Variants in GSE1 observed in about 807,000 individuals in gnomAD.
The protein encoded by GSE1 is genetic suppressor element 1.
GSE1 carries 32 observed loss-of-function variants against 112.6 expected under a neutral mutation model. The observed-to-expected ratio is 0.28, with a 90% CI of 0.21 to 0.38. The LOEUF (loss-of-function observed/expected upper bound fraction) is 0.38, where lower values mean the gene tolerates loss of function less well. GSE1 is among the 10% of genes least tolerant of loss of function. GSE1 has a pLI of 1.00. For synonymous variants in GSE1, 1,115 were observed against 735.6 expected (o/e 1.52, Z -8.35); for missense variants, 2,348 against 1,699.2 (o/e 1.38, Z -6.71).
chr16:85,615,049 G>A (rs561872815), intron 1 of GSE1, among the ~76,000 whole-genome samples: 1 of 152,238 alleles, frequency 6.6e-6, no homozygotes, highest in Non-Finnish European at 1.5e-5. Context: ...CTCCCGGCAG[G>A]GGTGGAAGGG....
At chr16:85,224,895 C>T (rs934975072) in intron 1 of GSE1, among the ~76,000 whole-genome samples, 17 of 150,038 alleles carry the variant, frequency 1.1e-4, no homozygotes, top group East Asian at 3.9e-4. Context: ...TTTGGGAGGC[C>T]GAGATGGGCA....
intron 5 of GSE1, among the ~76,000 whole-genome samples, 161 bp downstream of exon 5, chr16:85,655,152 C>T (rs2051810218): frequency 1.3e-5 from 2 of 152,206 alleles, no homozygotes; most frequent in Admixed American, 1.3e-4. Flanking sequence ...CTAAATTCAG[C>T]CCTGATGGCC....
chr16:85,420,088 T>C (rs1442783351), intron 2 of GSE1, among the ~76,000 whole-genome samples: 5 of 143,948 alleles, frequency 3.5e-5, no homozygotes, highest in Non-Finnish European at 6.1e-5. Context: ...TGGCAGACAC[T>C]GAGCAGTGTG....
At chr16:85,331,323 C>CTGTGTGTG (rs71151278) in intron 1 of GSE1, among the ~76,000 whole-genome samples, 8 of 84,516 alleles carry the variant, frequency 9.5e-5, no homozygotes, top group African/African-American at 3.5e-4. Flanking sequence ...CAGCTAATTT[C>CTGTGTGTG]TGTGTGTGTG....
At chr16:85,525,453 G>A (rs1226277144) in intron 2 of GSE1, among the ~76,000 whole-genome samples, 1 of 152,232 alleles carries the variant, frequency 6.6e-6, no homozygotes, top group African/African-American at 2.4e-5. Context: ...AGGTGGCCAG[G>A]CTGGCCCTAG....
chr16:85,248,470 C>T (rs1474120797), intron 1 of GSE1, among the ~76,000 whole-genome samples: 5 of 151,884 alleles, frequency 3.3e-5, no homozygotes, highest in Non-Finnish European at 7.4e-5. Flanking sequence ...CCTCCTTTTT[C>T]CCTCCGTCTT....
At position 85,299,626 on chromosome 16, in the gene GSE1, A is replaced by T. The variant is rs971718837; in HGVS notation, c.2284-57837A>T. Among the ~76,000 whole-genome samples, 3 of 152,212 alleles carry T rather than the reference A, an allele frequency of 2.0e-5. No individual in the cohort carries two copies. The East Asian group carries it at 5.8e-4, about 29-fold the overall frequency. On this transcript the variant is annotated intron_variant, in intron 1 of 2. Coordinates refer to the GSE1 transcript ENST00000637419. ...AGAAATTAAGCAGTTTTAACTGCAG[A>T]CTTAAAAATTGCATTCTTTGGCCAG...
chr16:85,637,123 A>G (rs1458102864), intron 2 of GSE1, among the ~76,000 whole-genome samples: 1 of 152,226 alleles, frequency 6.6e-6, no homozygotes, highest in African/African-American at 2.4e-5. Context: ...ATCTAATTCT[A>G]GAACATTTGG....
chr16:85,359,434 G>T, intron 2 of GSE1: 1 of 456,002 alleles, frequency 2.2e-6, no homozygotes, highest in South Asian at 1.5e-5. Flanking sequence ...TGTGGTTTGG[G>T]GAGCAGGCCC....
chr16:85,662,926 C>T, intron 9 of GSE1, 55 bp from the exon 10 acceptor site: 1 of 1,247,826 alleles, frequency 8.0e-7, no homozygotes, highest in South Asian at 1.2e-5. Flanking sequence ...GCGGGCATGT[C>T]CACTGGACAG....
intron 1 of GSE1, among the ~76,000 whole-genome samples, chr16:85,205,850 ATTCATTCATCTGGTGC>A (rs2075105576): frequency 6.6e-6 from 1 of 152,168 alleles, no homozygotes; most frequent in Admixed American, 6.5e-5. Context: ...TGCCTGACTC[ATTCATTCATCTGGTGC>A]TTCATTCATT....
chr16:85,327,715 G>C (rs1432657116), intron 1 of GSE1, among the ~76,000 whole-genome samples: 1 of 152,216 alleles, frequency 6.6e-6, no homozygotes, highest in Non-Finnish European at 1.5e-5. Context: ...CATTGTGTTT[G>C]TTCCATCTTT....
chr16:85,573,632 G>C (rs1009578085), intron 1 of GSE1, among the ~76,000 whole-genome samples: 2 of 152,226 alleles, frequency 1.3e-5, no homozygotes. Flanking sequence ...TATTTTATTT[G>C]GAAACTTGAA....
intron 2 of GSE1, among the ~76,000 whole-genome samples, chr16:85,647,603 T>G (rs535119111): frequency 4.1e-4 from 62 of 152,250 alleles, no homozygotes; most frequent in Non-Finnish European, 6.2e-4. Flanking sequence ...CTTTTTTTGT[T>G]TTGAGACGAA....
intron 1 of GSE1, among the ~76,000 whole-genome samples, chr16:85,355,819 G>A (rs1161077445): frequency 1.3e-5 from 2 of 152,070 alleles, no homozygotes; most frequent in African/African-American, 2.4e-5. Context: ...TCAGGAGTTC[G>A]AAACCAGTCT....
At chr16:85,418,625 T>C (rs1362716188) in intron 2 of GSE1, among the ~76,000 whole-genome samples, 2 of 152,100 alleles carry the variant, frequency 1.3e-5, no homozygotes, top group South Asian at 2.1e-4. Context: ...CTGTGGGACG[T>C]TGGGGACAGG....
chr16:85,331,338 T>C (rs1433240074), intron 1 of GSE1, among the ~76,000 whole-genome samples: 1 of 129,338 alleles, frequency 7.7e-6, no homozygotes, highest in Non-Finnish European at 1.7e-5. Context: ...TGTGTGTGTG[T>C]GTGTGTGTGT....
intron 2 of GSE1, among the ~76,000 whole-genome samples, chr16:85,475,991 C>T (rs12931821): frequency 0.15 from 23,543 of 151,982 alleles, 2,302 homozygotes; most frequent in Non-Finnish European, 0.21. Context: ...AGTGCAGTGA[C>T]ACGATCTTGG....
chr16:85,247,508 C>T (rs752209617), intron 1 of GSE1, among the ~76,000 whole-genome samples: 1 of 152,174 alleles, frequency 6.6e-6, no homozygotes, highest in African/African-American at 2.4e-5. Context: ...CGGACCCGCA[C>T]GTCATGCTCC....
Sources: gnomAD v4.1 joint callset for allele counts (sites outside exome capture counted in the v4.1 genomes callset) on GRCh38, gnomAD v4.1.1 for gene constraint, MANE v1.5 for transcripts, NCBI Gene and HGNC (gene_info 2026-07-23, HGNC 2026-07-21) for gene names.